CCAR1: variants seen among roughly 807,000 people sequenced by gnomAD.
CCAR1 encodes cell division cycle and apoptosis regulator 1.
Under a neutral mutation model 163.8 loss-of-function variants are expected in CCAR1, and 78 were observed. The observed-to-expected ratio is 0.48, with a 90% CI of 0.40 to 0.57. The LOEUF is 0.57. Ranked by LOEUF, CCAR1 falls within the 20% of genes least tolerant of loss-of-function variation. The pLI is 0.00. For synonymous variants in CCAR1, 443 were observed against 460.7 expected (o/e 0.96, Z 0.49); for missense variants, 1,019 against 1,365.2 (o/e 0.75, Z 4.00).
rs145459086 is a variant in CCAR1, at chr10:68,773,079, A to C, written c.2630A>C (p.Glu877Ala). 40 of 1,542,374 alleles carry C rather than the reference A, an allele frequency of 2.6e-5. No homozygotes were observed. Among genetic ancestry groups the C allele is most frequent in the Middle Eastern group, 1.7e-4 (1 of 5,932 alleles). Reference sequence around the variant, plus strand: ...GAATATGACCCTATGGAAGCAGAAGAAGCTGAGGATGAAGAAGATGGTATG... The same window carrying C: ...GAATATGACCCTATGGAAGCAGAAGCAGCTGAGGATGAAGAAGATGGTATG... The part of the protein sequence containing the change: ...QDEYDPMEAE[E>A]AEDEEDDRDE... The change falls in exon 19 of 25, where the codon GAA becomes GCA. Residue 877 changes from glutamate (E) to alanine (A), a missense_variant. Around this residue, in one of 4 missense-constraint regions of CCAR1, gnomAD observed 358 missense variants for 406.4 expected, o/e 0.88. Transcript: ENST00000265872.
chr10:68,748,308 G>T (rs1191077545), intron 8 of CCAR1, among the ~76,000 whole-genome samples: 1 of 152,000 alleles, frequency 6.6e-6, no homozygotes, highest in Non-Finnish European at 1.5e-5. Context: ...GCTGAGACAG[G>T]AGAATCGCTT....
chr10:68,748,196 G>A (rs528004692), intron 8 of CCAR1, among the ~76,000 whole-genome samples: 2 of 152,150 alleles, frequency 1.3e-5, no homozygotes, highest in Admixed American at 1.3e-4. Context: ...TGATGCATAG[G>A]GCCAGGCATG....
intron 19 of CCAR1, among the ~76,000 whole-genome samples, chr10:68,783,465 TC>T (rs1430666328): frequency 1.3e-5 from 2 of 151,876 alleles, no homozygotes; most frequent in African/African-American, 4.8e-5. Flanking sequence ...GAGCCACCGT[TC>T]CTGGCCTCAT....
At chr10:68,739,435 C>T (rs2056154877) in intron 4 of CCAR1, among the ~76,000 whole-genome samples, 1 of 152,192 alleles carries the variant, frequency 6.6e-6, no homozygotes, top group Admixed American at 6.5e-5. Flanking sequence ...AGGCGTGAGG[C>T]ACTGCGCCCA....
chr10:68,751,548 G>A (rs1275175342), intron 10 of CCAR1, among the ~76,000 whole-genome samples: 1 of 151,962 alleles, frequency 6.6e-6, no homozygotes, highest in Non-Finnish European at 1.5e-5. Flanking sequence ...AAATTGAACA[G>A]CTATTTAGCT....
At chr10:68,747,711 A>G in intron 8 of CCAR1, 145 bp downstream of exon 8, 1 of 603,256 alleles carries the variant, frequency 1.7e-6, no homozygotes, top group Non-Finnish European at 2.8e-6. Context: ...TTCCATAGCT[A>G]TGTGGAAGTA....
At chr10:68,748,702 C>G (rs1051265060) in intron 8 of CCAR1, among the ~76,000 whole-genome samples, 15 of 151,900 alleles carry the variant, frequency 9.9e-5, no homozygotes, top group African/African-American at 3.6e-4. Context: ...GATGCCCAGG[C>G]TGCATTTTCT....
In CCAR1 at chr10:68,765,969, A is replaced by G. The variant is rs2056530569; in HGVS notation, c.2188A>G (p.Ile730Val). 3 of 1,614,100 alleles carry G rather than the reference A, an allele frequency of 1.9e-6. No individual in the cohort carries two copies. Among genetic ancestry groups the G allele is most frequent in the Non-Finnish European group, 2.5e-6 (3 of 1,179,938 alleles). ...TATTTTGCCTGATGAACCGGCCATCATTGTACATCCAAATTGGGCTGCAAA... is the reference window on the plus strand; with the variant it reads ...TATTTTGCCTGATGAACCGGCCATCGTTGTACATCCAAATTGGGCTGCAAA... ...RYILPDEPAIIVHPNWAAKSG... is the reference protein window; with the variant it reads ...RYILPDEPAIVVHPNWAAKSG... Residue 730 changes from isoleucine (I) to valine (V), a missense_variant, in exon 17 of 25, where the codon ATT becomes GTT. By Grantham distance (29) the Ile-to-Val change is conservative. Around this residue, in one of 4 missense-constraint regions of CCAR1, gnomAD observed 644 missense variants for 904.4 expected, o/e 0.71. Transcript: ENST00000265872.
chr10:68,755,369 G>T lies in CCAR1; in HGVS notation c.1459-1G>T. 6.2e-7 allele frequency: 1 copy of T among 1,609,438 alleles called. No homozygotes were observed. The highest frequency in any genetic ancestry group is 8.5e-7 in the Non-Finnish European group (1 of 1,177,606). ...GTAAATGATTCTTTGTTTTGAATTA[G>T]TTTTTAGTGGGCATGAAAGGCAAGG... is the stretch of plus-strand genomic sequence containing the variant. On this transcript the variant is annotated splice_acceptor_variant, in intron 12 of 24. Transcript: ENST00000265872. LOFTEE classifies it high-confidence loss of function.
intron 15 of CCAR1, among the ~76,000 whole-genome samples, chr10:68,757,706 G>A (rs12784389): frequency 0.065 from 9,892 of 152,206 alleles, 435 homozygotes; most frequent in South Asian, 0.14. Flanking sequence ...ATGAGCTGCC[G>A]TGCCTGGCCA....
intron 2 of CCAR1, among the ~76,000 whole-genome samples, chr10:68,730,349 A>ATT (rs1262304348): frequency 1.4e-5 from 2 of 147,074 alleles, no homozygotes; most frequent in East Asian, 4.0e-4. Context: ...ATATATATTT[A>ATT]TTTTTTGAGA....
chr10:68,749,122 T>C lies in CCAR1; in HGVS notation c.827-14T>C. 6.2e-7 allele frequency: 1 copy of C among 1,613,934 alleles called. No individual in the cohort carries two copies. Among genetic ancestry groups the C allele is most frequent in the Non-Finnish European group, 8.5e-7 (1 of 1,179,920 alleles). On this transcript the variant is annotated splice_polypyrimidine_tract_variant and intron_variant, in intron 8 of 24. Transcript: ENST00000265872. ...TTAGACACGCTAAACGTTTTTTTCT[T>C]TTATCTTTTAAAGCTGGTTTATTGC...
At chr10:68,724,227 C>T (rs1479024349) in intron 2 of CCAR1, among the ~76,000 whole-genome samples, 1 of 152,066 alleles carries the variant, frequency 6.6e-6, no homozygotes, top group Non-Finnish European at 1.5e-5. Context: ...TTTTGGGAGG[C>T]CAAGGTGGGC....
chr10:68,783,405 C>G (rs909003852), intron 19 of CCAR1, among the ~76,000 whole-genome samples: 17 of 151,898 alleles, frequency 1.1e-4, no homozygotes, highest in African/African-American at 3.9e-4. Context: ...GATCTCCTGA[C>G]CTCGTGATCT....
intron 21 of CCAR1, among the ~76,000 whole-genome samples, chr10:68,787,526 A>G (rs529780296): frequency 5.6e-4 from 85 of 152,154 alleles, no homozygotes; most frequent in African/African-American, 2.0e-3. Context: ...ACTCAATTCC[A>G]TGGATTTCCA....
At chr10:68,760,865 AAAAAAAC>A in intron 15 of CCAR1, 135 bp from the exon 16 acceptor site, 1 of 401,822 alleles carries the variant, frequency 2.5e-6, no homozygotes, top group Non-Finnish European at 4.0e-6. Flanking sequence ...CTCTGTTTCA[AAAAAAAC>A]AAAAAACAAA....
At chr10:68,774,409 G>A (rs1380961566) in intron 19 of CCAR1, among the ~76,000 whole-genome samples, 3 of 152,002 alleles carry the variant, frequency 2.0e-5, no homozygotes, top group Non-Finnish European at 2.9e-5. Context: ...AGGTCAAGGC[G>A]GGTGGATCAC....
At chr10:68,752,702 T>G (rs2133358412) in intron 10 of CCAR1, among the ~76,000 whole-genome samples, 1 of 152,236 alleles carries the variant, frequency 6.6e-6, no homozygotes, top group South Asian at 2.1e-4. Context: ...AGACCTCACC[T>G]CTACAAAAAG....
At chr10:68,736,217 A>G (rs1239920319) in intron 2 of CCAR1, among the ~76,000 whole-genome samples, 1 of 152,162 alleles carries the variant, frequency 6.6e-6, no homozygotes, top group Non-Finnish European at 1.5e-5. Context: ...TATTTATGGT[A>G]TACATACACA....
Sources: gnomAD v4.1 joint callset for allele counts (sites outside exome capture counted in the v4.1 genomes callset) on GRCh38, gnomAD v4.1.1 for gene constraint, gnomAD v4.1.1 regional missense constraint, MANE v1.5 for transcripts, NCBI Gene and HGNC (gene_info 2026-07-23, HGNC 2026-07-21) for gene names.